The following PRKAG2 variants were observed in gnomAD, a reference collection of about 807,000 sequenced individuals.
The protein encoded by PRKAG2 is protein kinase AMP-activated non-catalytic subunit gamma 2, also known as 5'-AMP-activated protein kinase subunit gamma-2.
PRKAG2 carries 26 observed loss-of-function variants against 69.6 expected under a neutral mutation model. The observed-to-expected ratio is 0.37, with a 90% CI of 0.27 to 0.52. The LOEUF (loss-of-function observed/expected upper bound fraction) is 0.52, where lower values mean the gene tolerates loss of function less well. Ranked by LOEUF, PRKAG2 falls within the 20% of genes least tolerant of loss-of-function variation. The pLI, the probability that PRKAG2 is intolerant of heterozygous loss-of-function variation, is 0.90. For synonymous variants in PRKAG2, 293 were observed against 285.0 expected (o/e 1.03, Z -0.28); for missense variants, 557 against 740.0 (o/e 0.75, Z 2.87).
chr7:151,822,239 C>T (rs1003230993), intron 1 of PRKAG2, among the ~76,000 whole-genome samples: 6 of 152,130 alleles, frequency 3.9e-5, no homozygotes, highest in African/African-American at 9.7e-5. Flanking sequence ...CAACTGCCAC[C>T]GCCCTAGGAG....
intron 5 of PRKAG2, among the ~76,000 whole-genome samples, chr7:151,604,558 G>A (rs1817038650): frequency 6.6e-6 from 1 of 152,052 alleles, no homozygotes; most frequent in Middle Eastern, 3.2e-3. Flanking sequence ...AGGGTCTCTT[G>A]AGCCAGGAGG....
At chr7:151,705,240 T>C (rs1838384847) in intron 3 of PRKAG2, among the ~76,000 whole-genome samples, 1 of 152,202 alleles carries the variant, frequency 6.6e-6, no homozygotes, top group African/African-American at 2.4e-5. Context: ...GTCTCAGAGT[T>C]GGCTGAGAAT....
intron 4 of PRKAG2, among the ~76,000 whole-genome samples, chr7:151,634,973 A>C (rs1027697093): frequency 1.4e-5 from 2 of 146,014 alleles, no homozygotes; most frequent in Admixed American, 6.9e-5. Flanking sequence ...TTTTTGAGAC[A>C]GGGTCTCCCT....
intron 9 of PRKAG2, chr7:151,572,296 A>G (rs1430053367): frequency 6.0e-6 from 1 of 167,460 alleles, no homozygotes. Context: ...CAAGTTAGGC[A>G]TGCCTCTGAT....
At chr7:151,687,798 T>C (rs1324351792) in intron 3 of PRKAG2, among the ~76,000 whole-genome samples, 2 of 152,142 alleles carry the variant, frequency 1.3e-5, no homozygotes, top group African/African-American at 2.4e-5. Flanking sequence ...CTGTGGAATG[T>C]TGGGGAGAAG....
At chr7:151,848,599 A>G (rs2079494966) in intron 1 of PRKAG2, among the ~76,000 whole-genome samples, 1 of 121,872 alleles carries the variant, frequency 8.2e-6, no homozygotes, top group African/African-American at 3.2e-5. Flanking sequence ...ATCTTGGCTC[A>G]TTGCAACCTC....
rs796967137 is a variant in PRKAG2 at position 151,786,401 on chromosome 7, G to A, written c.186+69C>T. ...AGGGTGAACACACAGGTGGAAGTGG[G>A]CTCAGGCTCTGCCTGCCTCCGTGGC... is the stretch of plus-strand genomic sequence containing the variant. On this transcript the variant is annotated intron_variant, in intron 2 of 15. Coordinates refer to ENST00000287878, the MANE Select transcript of PRKAG2 (RefSeq NM_016203.4). The A allele has an allele frequency of 1.3e-5, 18 of 1,437,894 alleles. No individual in the cohort carries two copies. The African/African-American group carries it at 2.1e-4, about 17-fold the overall frequency. The allele number at this position is 1,437,894 out of a possible 1,614,324, so 89.1% of individuals were successfully genotyped here.
At chr7:151,859,560 C>T (rs565703118) in intron 1 of PRKAG2, among the ~76,000 whole-genome samples, 4 of 152,156 alleles carry the variant, frequency 2.6e-5, no homozygotes, top group African/African-American at 7.2e-5. Flanking sequence ...TTCCCAGGGG[C>T]GAGGACTGTG....
intron 3 of PRKAG2, among the ~76,000 whole-genome samples, chr7:151,767,631 T>C (rs1451367934): frequency 1.3e-5 from 2 of 152,244 alleles, no homozygotes; most frequent in African/African-American, 4.8e-5. Flanking sequence ...GGTGCTGTTA[T>C]AGTGGCCCTA....
Position 151,595,405 on chromosome 7 carries a change from G to T in PRKAG2, c.804C>A (p.His268Gln). ...TGGTTGGAACGATGTCATAACACTT[G>T]TGTGACCTCATGAATCGCATGTAAA... ...SGVYMRFMRS[H>Q]KCYDIVPTSS... The change falls in exon 6 of 16, where the codon CAC becomes CAA. Residue 268 changes from histidine (H) to glutamine (Q), a missense_variant. Transcript: ENST00000287878. The T allele has an allele frequency of 6.2e-7, 1 of 1,614,040 alleles. No homozygotes were observed. The highest frequency in any genetic ancestry group is 8.5e-7 in the Non-Finnish European group (1 of 1,179,986).
chr7:151,618,746 C>CAG (rs1374197861), intron 5 of PRKAG2, among the ~76,000 whole-genome samples: 1 of 152,174 alleles, frequency 6.6e-6, no homozygotes, highest in Admixed American at 6.5e-5. Context: ...GCCTGGACGA[C>CAG]AGAGAGAGAT....
chr7:151,650,015 G>A (rs771648707), intron 4 of PRKAG2, among the ~76,000 whole-genome samples: 7 of 152,198 alleles, frequency 4.6e-5, no homozygotes, highest in South Asian at 2.1e-4. Context: ...GTTGCAAAGC[G>A]TAATGACTAC....
Position 151,850,016 on chromosome 7 carries a change from C to T in PRKAG2, c.114+26491G>A, listed in dbSNP as rs747305755. ...GCAGCACGTTTGCCATTTTCCGGAG[C>T]GTGCTGTAGCTAGGCACAGAGAGGC... On this transcript the variant is annotated intron_variant, in intron 1 of 15. Coordinates refer to ENST00000287878, the MANE Select transcript of PRKAG2 (RefSeq NM_016203.4). This position sits in a 1 kb window ranked among gnomAD's most constrained non-coding sequence, Gnocchi z 4.1. Among the ~76,000 whole-genome samples, 33 of 152,158 alleles carry T rather than the reference C, an allele frequency of 2.2e-4. No individual in the cohort carries two copies. Among genetic ancestry groups the T allele is most frequent in the Non-Finnish European group, 2.9e-4 (20 of 68,034 alleles).
rs2080414437 is a variant in PRKAG2, at chr7:151,876,712, C to T, written c.-92G>A. 1.6e-5 allele frequency: 20 copies of T among 1,228,072 alleles called. No individual in the cohort carries two copies. Among genetic ancestry groups the T allele is most frequent in the Non-Finnish European group, 2.2e-5 (19 of 857,022 alleles). The allele number at this position is 1,228,072 out of a possible 1,614,324, so 76.1% of individuals were successfully genotyped here. On this transcript the variant is annotated 5_prime_UTR_variant, in exon 1 of 16. Coordinates refer to ENST00000287878, the MANE Select transcript of PRKAG2 (RefSeq NM_016203.4). ...CCGCTGCCTTCGGACTGGAGCCGCGCGCTCTGTTACACCCTGAAGCCACCT... is the reference window on the plus strand; with the variant it reads ...CCGCTGCCTTCGGACTGGAGCCGCGTGCTCTGTTACACCCTGAAGCCACCT...
rs1230162551 is a variant in PRKAG2, at chr7:151,567,385, T to A, written c.1233+1331A>T. Among the ~76,000 whole-genome samples the A allele has an allele frequency of 6.6e-6, 1 of 152,172 alleles. No individual in the cohort carries two copies. Among genetic ancestry groups the A allele is most frequent in the African/African-American group, 2.4e-5 (1 of 41,436 alleles). On this transcript the variant is annotated intron_variant, in intron 11 of 15. Coordinates refer to ENST00000287878, the MANE Select transcript of PRKAG2 (RefSeq NM_016203.4). The surrounding 1 kb of genome is among the most constrained non-coding windows in gnomAD (Gnocchi z 4.2). ...CTACCTGATAGGGTAGCAGCGAGGA[T>A]GAGATTATGTCAAGTGCTTAGAACA...
At chr7:151,612,207 C>T (rs913145843) in intron 5 of PRKAG2, among the ~76,000 whole-genome samples, 25 of 152,126 alleles carry the variant, frequency 1.6e-4, no homozygotes, top group African/African-American at 5.8e-4. Context: ...CCTGTCTCTC[C>T]CCAGGATGCC....
At chr7:151,794,213 G>A (rs373515874) in intron 1 of PRKAG2, among the ~76,000 whole-genome samples, 23 of 152,182 alleles carry the variant, frequency 1.5e-4, no homozygotes, top group Admixed American at 2.0e-4. Flanking sequence ...CCAGTTCCTC[G>A]TCTGGCCCGA....
chr7:151,702,098 G>C (rs12531887), intron 3 of PRKAG2, among the ~76,000 whole-genome samples: 27,726 of 152,264 alleles, frequency 0.18, 3,246 homozygotes, highest in Non-Finnish European at 0.26. Context: ...TCAACAGCCA[G>C]ATGTGGCTGG....
At chr7:151,815,578 C>A (rs995547526) in intron 1 of PRKAG2, among the ~76,000 whole-genome samples, 3 of 152,202 alleles carry the variant, frequency 2.0e-5, no homozygotes, top group Non-Finnish European at 4.4e-5. Flanking sequence ...CCCCCTTGCT[C>A]CCTCTGCCTC....
Sources: allele counts gnomAD v4.1 joint callset (sites outside exome capture counted in the v4.1 genomes callset), GRCh38; gene constraint gnomAD v4.1.1; non-coding constraint Gnocchi (gnomAD v3.1); transcripts MANE v1.5; gene names NCBI Gene and HGNC (gene_info 2026-07-23, HGNC 2026-07-21).